The following ARB2A variants were observed in gnomAD, a reference collection of about 807,000 sequenced individuals.
ARB2A encodes the protein cotranscriptional regulator ARB2A.
At chr5:93,656,836 AG>A in the ARB2A span, among the ~76,000 whole-genome samples, 1 of 151,844 alleles carries the variant, frequency 6.6e-6, no homozygotes, top group Non-Finnish European at 1.5e-5. Context: ...TTAGTTTTGG[AG>A]GACCCCTGTG....
the ARB2A span, among the ~76,000 whole-genome samples, chr5:93,951,850 T>C: frequency 1.3e-5 from 2 of 152,012 alleles, no homozygotes; most frequent in Non-Finnish European, 2.9e-5. Flanking sequence ...CATACAAAAA[T>C]TAAAAGAAAA....
the ARB2A span, among the ~76,000 whole-genome samples, chr5:93,743,980 A>G: frequency 2.6e-5 from 4 of 152,278 alleles, no homozygotes; most frequent in South Asian, 2.1e-4. Flanking sequence ...GCCCATTTTC[A>G]TAAGAGAAGA....
At chr5:94,049,699 G>C in the ARB2A span, among the ~76,000 whole-genome samples, 5 of 152,260 alleles carry the variant, frequency 3.3e-5, no homozygotes, top group East Asian at 9.7e-4. Context: ...GTGCACGCCT[G>C]TAGTCCCAGC....
the ARB2A span, among the ~76,000 whole-genome samples, chr5:94,011,761 C>T: frequency 6.6e-5 from 10 of 151,380 alleles, no homozygotes; most frequent in Non-Finnish European, 1.2e-4. Flanking sequence ...CAAGTGAAGA[C>T]GTCTAGTCCA....
the ARB2A span, among the ~76,000 whole-genome samples, chr5:93,673,819 C>T: frequency 6.6e-6 from 1 of 152,056 alleles, no homozygotes; most frequent in South Asian, 2.1e-4. Context: ...GTCATTAACA[C>T]AAATGACCTC....
chr5:93,742,641 G>A, the ARB2A span, among the ~76,000 whole-genome samples: 1 of 152,098 alleles, frequency 6.6e-6, no homozygotes, highest in Admixed American at 6.5e-5. Flanking sequence ...CCATGATGTG[G>A]CTCTGTCCCC....
chr5:93,990,669 A>C, the ARB2A span, among the ~76,000 whole-genome samples: 1 of 150,350 alleles, frequency 6.7e-6, no homozygotes, highest in African/African-American at 2.4e-5. Flanking sequence ...ATTCAGTTAG[A>C]TTTCAACTCA....
At chr5:93,749,625 C>T in the ARB2A span, among the ~76,000 whole-genome samples, 1 of 152,138 alleles carries the variant, frequency 6.6e-6, no homozygotes, top group African/African-American at 2.4e-5. Flanking sequence ...GAATATTTAT[C>T]TGGCCATTAA....
the ARB2A span, among the ~76,000 whole-genome samples, chr5:93,950,087 C>T: frequency 1.3e-5 from 2 of 152,090 alleles, no homozygotes; most frequent in African/African-American, 4.8e-5. Flanking sequence ...CATATATGTA[C>T]CACATTTTCC....
the ARB2A span, among the ~76,000 whole-genome samples, chr5:93,838,282 A>G: frequency 6.6e-6 from 1 of 152,084 alleles, no homozygotes; most frequent in Non-Finnish European, 1.5e-5. Flanking sequence ...TTGTTTCTGT[A>G]GGCTTTGTAG....
At chr5:93,846,075 G>C in the ARB2A span, among the ~76,000 whole-genome samples, 2 of 151,670 alleles carry the variant, frequency 1.3e-5, no homozygotes, top group Non-Finnish European at 1.5e-5. Flanking sequence ...TTAGCTTTGT[G>C]ACTTTGACTT....
chr5:93,711,422 TTA>T, the ARB2A span, among the ~76,000 whole-genome samples: 3 of 152,170 alleles, frequency 2.0e-5, no homozygotes, highest in Non-Finnish European at 2.9e-5. Context: ...TTTCCTATTT[TTA>T]TGTTTCCTTT....
At chr5:94,073,614 C>G in the ARB2A span, among the ~76,000 whole-genome samples, 1 of 152,068 alleles carries the variant, frequency 6.6e-6, no homozygotes, top group South Asian at 2.1e-4. Flanking sequence ...CACATTAAGG[C>G]TGAACATGCA....
the ARB2A span, among the ~76,000 whole-genome samples, chr5:93,798,611 A>G: frequency 2.0e-5 from 3 of 152,168 alleles, no homozygotes; most frequent in Non-Finnish European, 4.4e-5. Flanking sequence ...ATAGAAGAAA[A>G]GAATGAAAAA....
At chr5:94,075,104 T>TA in the ARB2A span, among the ~76,000 whole-genome samples, 1 of 152,106 alleles carries the variant, frequency 6.6e-6, no homozygotes, top group Non-Finnish European at 1.5e-5. Flanking sequence ...ACCTATCACC[T>TA]AATGTTTTTA....
At chr5:93,910,910 A>T in the ARB2A span, 1 of 151,546 alleles carries the variant, frequency 6.6e-6, no homozygotes, top group East Asian at 1.9e-4. Context: ...TTTTTTGAAC[A>T]TCTATAAAAC....
chr5:94,011,808 G>A, the ARB2A span, among the ~76,000 whole-genome samples: 1 of 150,692 alleles, frequency 6.6e-6, no homozygotes, highest in African/African-American at 2.4e-5. Context: ...CAGATTTAGA[G>A]TCAAGTAGCA....
At chr5:93,873,846 G>A in the ARB2A span, among the ~76,000 whole-genome samples, 57 of 152,098 alleles carry the variant, frequency 3.7e-4, no homozygotes, top group Non-Finnish European at 6.2e-4. Flanking sequence ...TGACTTATCT[G>A]ATTAGCACAT....
chr5:93,850,214 T>C, the ARB2A span, among the ~76,000 whole-genome samples: 2 of 152,162 alleles, frequency 1.3e-5, no homozygotes, highest in African/African-American at 2.4e-5. Context: ...GTCTTTCTAG[T>C]TGTAAAAATA....
Sources: allele counts gnomAD v4.1 joint callset (sites outside exome capture counted in the v4.1 genomes callset), GRCh38; gene constraint gnomAD v4.1.1; transcripts MANE v1.5; gene names NCBI Gene and HGNC (gene_info 2026-07-23, HGNC 2026-07-21).